TRIP12: variants seen among roughly 807,000 people sequenced by gnomAD.
The protein encoded by TRIP12 is E3 ubiquitin-protein ligase TRIP12.
Under a neutral mutation model 244.2 loss-of-function variants are expected in TRIP12, and 25 were observed. The observed-to-expected ratio is 0.10, with a 90% CI of 0.07 to 0.14. The LOEUF is 0.14. TRIP12 is among the 10% of genes least tolerant of loss of function. The probability of loss-of-function intolerance (pLI) is 1.00; values close to 1 mark genes in which losing one functional copy is unlikely to be tolerated. For synonymous variants in TRIP12, 905 were observed against 873.1 expected, an observed-to-expected ratio of 1.04 and a Z score of -0.64; for missense variants, 1,677 against 2,486.4, an observed-to-expected ratio of 0.67 and a Z score of 6.92.
chr2:229,906,645 G>C (rs559419417), intron 1 of TRIP12, among the ~76,000 whole-genome samples: 3 of 151,148 alleles, frequency 2.0e-5, no homozygotes, highest in Non-Finnish European at 4.4e-5. Context: ...GCTTGAACCT[G>C]GGAGGCAGAG....
intron 13 of TRIP12, among the ~76,000 whole-genome samples, 182 bp from the exon 14 acceptor site, chr2:229,811,386 CAAACA>C (rs2047206870): frequency 6.6e-6 from 1 of 151,700 alleles, no homozygotes; most frequent in African/African-American, 2.4e-5. Context: ...AATTTCAAAA[CAAACA>C]GGAAACAAAC....
intron 1 of TRIP12, among the ~76,000 whole-genome samples, chr2:229,912,171 T>A (rs1033845716): frequency 6.6e-6 from 1 of 152,222 alleles, no homozygotes; most frequent in Non-Finnish European, 1.5e-5. Flanking sequence ...CAGCTTCTGC[T>A]TATTTAACAT....
rs1314563075 is a variant in TRIP12, at chr2:229,778,048, AAATT to A, written c.5364+381_5364+384del. On this transcript the variant is annotated intron_variant, in intron 36 of 41. Transcript: ENST00000675903. The surrounding 1 kb of genome is among the most constrained non-coding windows in gnomAD (Gnocchi z 4.1). The stretch of plus-strand genomic sequence containing the variant: ...TATTTTCACAACAGCACTCTAATGT[AAATT>A]TAATGAAGTTTAGTTACATGCACAA... Among the ~76,000 whole-genome samples the A allele has an allele frequency of 6.6e-6, 1 of 152,244 alleles. No individual in the cohort carries two copies. Among genetic ancestry groups the A allele is most frequent in the Non-Finnish European group, 1.5e-5 (1 of 68,038 alleles).
In TRIP12 at chr2:229,805,670, T is replaced by C. The variant is rs1426786492; in HGVS notation, c.2650+60A>G. On this transcript the variant is annotated intron_variant, in intron 18 of 41. Coordinates refer to ENST00000675903, the MANE Select transcript of TRIP12 (RefSeq NM_001348323.3). ...ACTTAATAAGCCAATTATTATTTAT[T>C]ATGCAAACACAAAATATTGCACAAT... The C allele has an allele frequency of 1.1e-5, 15 of 1,389,006 alleles. No individual in the cohort carries two copies. The East Asian group carries it at 2.8e-4, about 26-fold the overall frequency. The allele number at this position is 1,389,006 out of a possible 1,614,324, so 86.0% of individuals were successfully genotyped here. A position where few individuals can be genotyped will look rare whatever the true frequency, so the allele number is the denominator to read the frequency against.
chr2:229,796,858 A>C, intron 24 of TRIP12, 76 bp from the exon 25 acceptor site: 1 of 1,314,502 alleles, frequency 7.6e-7, no homozygotes, highest in Non-Finnish European at 1.0e-6. Context: ...ATATCCTCAA[A>C]AGGAAATGAA....
At position 229,788,802 on chromosome 2, in the gene TRIP12, T is replaced by A. The variant is rs2040715777; in HGVS notation, c.4834A>T (p.Thr1612Ser). Residue 1612 changes from threonine (T) to serine (S), a missense_variant, in exon 32 of 42, where the codon ACC (threonine) becomes TCC (serine). Physicochemically the swap from Thr to Ser is moderately conservative, Grantham distance 58. Coordinates refer to ENST00000675903, the MANE Select transcript of TRIP12 (RefSeq NM_001348323.3). ...IPTWLTELGK[T>S]CPFFFPFDTR... ...TTACAGAAGTGATTGTCTTACCAGG[T>A]TTTTCCTAGCTCAGTAAGCCATGTT... The A allele has an allele frequency of 5.6e-6, 9 of 1,612,266 alleles. No individual in the cohort carries two copies. The highest frequency in any genetic ancestry group is 7.6e-6 in the Non-Finnish European group (9 of 1,179,562).
chr2:229,902,377 C>T (rs1394928481), intron 1 of TRIP12, among the ~76,000 whole-genome samples: 2 of 152,042 alleles, frequency 1.3e-5, no homozygotes, highest in African/African-American at 2.4e-5. Context: ...GAGACTTCGT[C>T]CTCCCCCCAC....
intron 2 of TRIP12, among the ~76,000 whole-genome samples, chr2:229,873,878 T>C (rs1465156711): frequency 6.6e-6 from 1 of 152,050 alleles, no homozygotes; most frequent in African/African-American, 2.4e-5. Context: ...ATACAAGCAT[T>C]TCCTCTCATC....
rs768140651 is a variant in TRIP12, at chr2:229,788,957, A to G, written c.4696-17T>C. ...CATTGCATTCTGTAAAATGTTTAAA[A>G]AAAAAAAAGTCTACATGTAGTAAAA... is the stretch of plus-strand genomic sequence containing the variant. On this transcript the variant is annotated splice_polypyrimidine_tract_variant and intron_variant, in intron 31 of 41. Transcript: ENST00000675903. 2.5e-6 allele frequency: 4 copies of G among 1,585,612 alleles called. No individual in the cohort carries two copies. The highest frequency in any genetic ancestry group is 3.4e-6 in the Non-Finnish European group (4 of 1,168,472).
Position 229,804,158 on chromosome 2 carries a change from T to C in TRIP12, c.2720A>G (p.Lys907Arg). 1 of 1,614,152 alleles carries C rather than the reference T, an allele frequency of 6.2e-7. No homozygotes were observed. The highest frequency in any genetic ancestry group is 8.5e-7 in the Non-Finnish European group (1 of 1,180,014). ...QLMKEDPELA[K>R]SFIKTLFGVL... ...ACCAAATAATGTCTTAATAAAAGAC[T>C]TAGCCAGTTCCGGATCCTCTTTCAT... is the stretch of plus-strand genomic sequence containing the variant. Residue 907 changes from lysine to arginine, a missense_variant, in exon 19 of 42, where the codon AAG becomes AGG. This residue lies in a region of TRIP12 where 572 missense variants were observed against 867.8 expected (regional missense o/e 0.66). Transcript: ENST00000675903.
intron 20 of TRIP12, among the ~76,000 whole-genome samples, chr2:229,803,286 G>C (rs1423207590): frequency 6.6e-6 from 1 of 152,120 alleles, no homozygotes; most frequent in East Asian, 1.9e-4. Context: ...GCTAATTTTT[G>C]TATTTTTCTT....
intron 19 of TRIP12, 103 bp from the exon 20 acceptor site, chr2:229,803,792 C>A: frequency 1.1e-6 from 1 of 931,240 alleles, no homozygotes. Flanking sequence ...ATTGTGAAAC[C>A]ATTCTATTAA....
At chr2:229,774,892 A>C (rs548812555) in intron 37 of TRIP12, among the ~76,000 whole-genome samples, 26 of 152,264 alleles carry the variant, frequency 1.7e-4, no homozygotes, top group Admixed American at 5.2e-4. Context: ...TATAAGACAA[A>C]CGTTAAGAAG....
chr2:229,819,732 C>T (rs1278172873), intron 8 of TRIP12, among the ~76,000 whole-genome samples: 1 of 152,096 alleles, frequency 6.6e-6, no homozygotes, highest in East Asian at 1.9e-4. Flanking sequence ...TTTTCCAGTC[C>T]TATATCATTG....
In TRIP12 at chr2:229,860,396, G is replaced by T. The variant is rs372559844; in HGVS notation, c.224+10C>A. ...TGCCTTGAAAATGTATAAGCAACAT[G>T]AAGATTTACCTTTTAGAAAGGTGTC... On this transcript the variant is annotated intron_variant, in intron 3 of 41. Coordinates refer to ENST00000675903, the MANE Select transcript of TRIP12 (RefSeq NM_001348323.3). 1 of 1,591,530 alleles carries T rather than the reference G, an allele frequency of 6.3e-7. No individual in the cohort carries two copies. The highest frequency in any genetic ancestry group is 2.3e-5 in the East Asian group (1 of 44,330).
intron 3 of TRIP12, 119 bp downstream of exon 3, chr2:229,860,287 A>C: frequency 7.8e-7 from 1 of 1,281,150 alleles, no homozygotes; most frequent in Non-Finnish European, 1.1e-6. Context: ...AAAGTTACTT[A>C]GAGAATAATG....
intron 4 of TRIP12, among the ~76,000 whole-genome samples, chr2:229,857,649 A>AG (rs770813459): frequency 6.6e-6 from 1 of 151,770 alleles, no homozygotes; most frequent in Non-Finnish European, 1.5e-5. Context: ...AAAAAAAAAA[A>AG]GAAGGGAGGA....
intron 2 of TRIP12, 47 bp downstream of exon 2, chr2:229,879,932 ATTT>A: frequency 1.2e-6 from 2 of 1,600,786 alleles, no homozygotes; most frequent in Non-Finnish European, 1.7e-6. Flanking sequence ...GCTTAAAAAT[ATTT>A]TTTCTTTTAT....
Position 229,859,120 on chromosome 2 carries a change from A to C in TRIP12, c.679T>G (p.Ser227Ala). ...PTKLASKSAT[S>A]AKAGCSTITD... Reference sequence around the variant, plus strand: ...ATGGTGCTACACCCAGCTTTGGCTGAGGTGGCTGATTTTGAAGCCAGCTTG... The same window carrying C: ...ATGGTGCTACACCCAGCTTTGGCTGCGGTGGCTGATTTTGAAGCCAGCTTG... Residue 227 changes from serine (S) to alanine (A), a missense_variant, in exon 4 of 42, where the codon TCA (serine) becomes GCA (alanine). By Grantham distance (99) the Ser-to-Ala change is moderately conservative. Coordinates refer to ENST00000675903, the MANE Select transcript of TRIP12 (RefSeq NM_001348323.3). 1.9e-6 allele frequency: 3 copies of C among 1,614,210 alleles called. No homozygotes were observed. Among genetic ancestry groups the C allele is most frequent in the African/African-American group, 1.3e-5 (1 of 75,068 alleles).
Sources: allele counts gnomAD v4.1 joint callset (sites outside exome capture counted in the v4.1 genomes callset), GRCh38; gene constraint gnomAD v4.1.1; regional missense constraint gnomAD v4.1.1; non-coding constraint Gnocchi (gnomAD v3.1); transcripts MANE v1.5; gene names NCBI Gene and HGNC (gene_info 2026-07-23, HGNC 2026-07-21).